MIR2052HG: variants seen among roughly 807,000 people sequenced by gnomAD.
MIR2052HG encodes the protein MIR2052 host gene.
At chr8:74,668,102 C>A (rs1338729583) in intron 2 of MIR2052HG, among the ~76,000 whole-genome samples, 1 of 151,026 alleles carries the variant, frequency 6.6e-6, no homozygotes, top group African/African-American at 2.4e-5. Flanking sequence ...TAGCTTCTTT[C>A]CTACTAGGTG....
At chr8:74,720,163 T>A (rs954684575) in intron 4 of MIR2052HG, among the ~76,000 whole-genome samples, 1 of 152,210 alleles carries the variant, frequency 6.6e-6, no homozygotes, top group South Asian at 2.1e-4. Context: ...GTGCCCCTTC[T>A]TACATTTTCT....
intron 4 of MIR2052HG, among the ~76,000 whole-genome samples, chr8:74,711,344 T>A (rs1352731246): frequency 6.6e-6 from 1 of 152,202 alleles, no homozygotes; most frequent in Non-Finnish European, 1.5e-5. Context: ...TTGTTTACTG[T>A]TCTATACCCA....
At chr8:74,693,630 T>A (rs1173173286) in intron 2 of MIR2052HG, among the ~76,000 whole-genome samples, 1 of 144,778 alleles carries the variant, frequency 6.9e-6, no homozygotes, top group East Asian at 2.1e-4. Flanking sequence ...GGGGTGGGAA[T>A]GGTGGGAATG....
chr8:74,733,049 C>CATTTATTTATTT (rs71565409), intron 4 of MIR2052HG, among the ~76,000 whole-genome samples: 6 of 148,862 alleles, frequency 4.0e-5, no homozygotes, highest in Admixed American at 2.0e-4. Flanking sequence ...AATTAGGAGA[C>CATTTATTTATTT]ATTTATTTAT....
chr8:74,645,395 C>A (rs144647666), intron 2 of MIR2052HG, among the ~76,000 whole-genome samples: 5 of 151,958 alleles, frequency 3.3e-5, no homozygotes, highest in Non-Finnish European at 5.9e-5. Flanking sequence ...AAGCAATTCT[C>A]CTGCCTCAGC....
At chr8:74,619,151 G>A (rs761958204) in intron 2 of MIR2052HG, among the ~76,000 whole-genome samples, 38 of 152,140 alleles carry the variant, frequency 2.5e-4, no homozygotes, top group South Asian at 1.5e-3. Flanking sequence ...TATATCCTAT[G>A]TACCTGGATT....
intron 2 of MIR2052HG, among the ~76,000 whole-genome samples, chr8:74,635,830 T>C (rs1808575515): frequency 6.6e-6 from 1 of 152,222 alleles, no homozygotes; most frequent in Admixed American, 6.5e-5. Context: ...AGAGAATTTT[T>C]ATTTGAGGCA....
intron 2 of MIR2052HG, among the ~76,000 whole-genome samples, chr8:74,615,820 TATC>T (rs1311167023): frequency 6.6e-6 from 1 of 152,116 alleles, no homozygotes; most frequent in African/African-American, 2.4e-5. Context: ...GTCCAAGTGT[TATC>T]ATTGTTCGAT....
chr8:74,739,051 T>A (rs1486536069), intron 4 of MIR2052HG, among the ~76,000 whole-genome samples: 1 of 152,182 alleles, frequency 6.6e-6, no homozygotes, highest in Non-Finnish European at 1.5e-5. Context: ...AGGGAGGGGA[T>A]CAATAAATTA....
At chr8:74,705,166 A>G (rs1161702091) in intron 4 of MIR2052HG, among the ~76,000 whole-genome samples, 1 of 151,856 alleles carries the variant, frequency 6.6e-6, no homozygotes, top group Non-Finnish European at 1.5e-5. Context: ...TTTGATTTCT[A>G]ATTCAGACAA....
chr8:74,697,207 A>T (rs1343282928), intron 2 of MIR2052HG, among the ~76,000 whole-genome samples: 1 of 152,184 alleles, frequency 6.6e-6, no homozygotes, highest in Non-Finnish European at 1.5e-5. Flanking sequence ...CACCACATAA[A>T]CAGAATTAAA....
chr8:74,755,801 G>T (rs1383503332), intron 5 of MIR2052HG, among the ~76,000 whole-genome samples: 1 of 152,168 alleles, frequency 6.6e-6, no homozygotes, highest in Non-Finnish European at 1.5e-5. Context: ...ATAGAAGTGG[G>T]TGTAATGGAA....
At chr8:74,725,414 G>A (rs192795906) in intron 4 of MIR2052HG, among the ~76,000 whole-genome samples, 3 of 152,262 alleles carry the variant, frequency 2.0e-5, no homozygotes, top group Admixed American at 6.5e-5. Flanking sequence ...GGTTCACCAC[G>A]TATAAAATGG....
At chr8:74,747,858 T>C (rs764544450) in intron 4 of MIR2052HG, among the ~76,000 whole-genome samples, 1 of 152,202 alleles carries the variant, frequency 6.6e-6, no homozygotes, top group Non-Finnish European at 1.5e-5. Flanking sequence ...CCTTGGGAAG[T>C]AGTCAAGTCC....
intron 4 of MIR2052HG, among the ~76,000 whole-genome samples, chr8:74,735,514 T>A (rs1809736581): frequency 6.6e-6 from 1 of 152,208 alleles, no homozygotes; most frequent in Non-Finnish European, 1.5e-5. Context: ...GGGCTCCATG[T>A]ATCACACACT....
chr8:74,706,996 A>G (rs1428143813), intron 4 of MIR2052HG, among the ~76,000 whole-genome samples: 2 of 152,126 alleles, frequency 1.3e-5, no homozygotes, highest in Admixed American at 6.6e-5. Context: ...GTACCACAGA[A>G]TTTCATCACA....
intron 2 of MIR2052HG, among the ~76,000 whole-genome samples, chr8:74,687,795 A>C (rs1250380576): frequency 6.6e-6 from 1 of 152,172 alleles, no homozygotes; most frequent in Non-Finnish European, 1.5e-5. Flanking sequence ...TGCATTGTAC[A>C]GTTCAAAATT....
chr8:74,647,777 T>C (rs1227592268), intron 2 of MIR2052HG, among the ~76,000 whole-genome samples: 1 of 152,210 alleles, frequency 6.6e-6, no homozygotes, highest in Non-Finnish European at 1.5e-5. Flanking sequence ...GTTCCCAAAA[T>C]TAATACTTTT....
At chr8:74,612,905 G>A (rs1365586362) in exon 2 of MIR2052HG, 1 of 456,264 alleles carries the variant, frequency 2.2e-6, no homozygotes, top group South Asian at 1.5e-5. Context: ...TGGAGCAAGT[G>A]GAGAGCCAGA....
Sources: gnomAD v4.1 joint callset for allele counts (sites outside exome capture counted in the v4.1 genomes callset) on GRCh38, gnomAD v4.1.1 for gene constraint, MANE v1.5 for transcripts, NCBI Gene and HGNC (gene_info 2026-07-23, HGNC 2026-07-21) for gene names.